Variants in BRWD1 observed in about 807,000 individuals in gnomAD.
The protein encoded by BRWD1 is bromodomain and WD repeat-containing protein 1.
BRWD1 carries 82 observed loss-of-function variants against 251.2 expected under a neutral mutation model. That is an observed-to-expected ratio of 0.33 (90% CI 0.27 to 0.39). BRWD1 has a LOEUF of 0.39. BRWD1 is among the 10% of genes least tolerant of loss of function. The probability of loss-of-function intolerance (pLI) is 1.00; values close to 1 mark genes in which losing one functional copy is unlikely to be tolerated. For missense variants in BRWD1, 2,233 were observed against 2,711.6 expected (o/e 0.82, Z 3.92); for synonymous variants, 918 against 902.8 (o/e 1.02, Z -0.30).
intron 8 of BRWD1, among the ~76,000 whole-genome samples, chr21:39,287,571 T>C (rs1004954338): frequency 6.6e-6 from 1 of 152,230 alleles, no homozygotes; most frequent in Non-Finnish European, 1.5e-5. Context: ...ATCCTCTTTT[T>C]ATTATCTGAA....
At chr21:39,297,929 T>C (rs778319445) in intron 5 of BRWD1, 6 of 985,130 alleles carry the variant, frequency 6.1e-6, no homozygotes, top group Non-Finnish European at 7.2e-6. Context: ...TGCTAGCACA[T>C]AACTTGGCAA....
chr21:39,296,020 G>T, intron 6 of BRWD1, 117 bp from the exon 7 acceptor site: 2 of 872,750 alleles, frequency 2.3e-6, no homozygotes, highest in South Asian at 3.0e-5. Flanking sequence ...AAGCCCTAAT[G>T]ACACAATTTC....
intron 4 of BRWD1, among the ~76,000 whole-genome samples, chr21:39,312,034 T>C (rs978876832): frequency 1.3e-5 from 2 of 152,204 alleles, no homozygotes; most frequent in African/African-American, 4.8e-5. Flanking sequence ...TTTATCCTAA[T>C]AACGAAACGG....
intron 13 of BRWD1, 75 bp downstream of exon 13, chr21:39,274,299 G>A: frequency 9.7e-7 from 1 of 1,028,544 alleles, no homozygotes; most frequent in South Asian, 1.4e-5. Context: ...GAGAGACACA[G>A]AGAGCGAGAG....
At chr21:39,258,090 C>T (rs1382276668) in intron 18 of BRWD1, among the ~76,000 whole-genome samples, 1 of 152,172 alleles carries the variant, frequency 6.6e-6, no homozygotes, top group South Asian at 2.1e-4. Flanking sequence ...GGACTCAACA[C>T]TGAAAACTCA....
chr21:39,195,708 G>A lies in BRWD1; in HGVS notation c.*551C>T. On this transcript the variant is annotated 3_prime_UTR_variant, in exon 41 of 41. Coordinates refer to ENST00000342449, the MANE Select transcript of BRWD1 (RefSeq NM_033656.4). ...CATTTCAATGAAAGTGACCAGATCT[G>A]GTATAATGCATTCTACTCAAGTAGC... is the stretch of plus-strand genomic sequence containing the variant. 2 of 984,428 alleles carry A rather than the reference G, an allele frequency of 2.0e-6. No homozygotes were observed. Among genetic ancestry groups the A allele is most frequent in the Non-Finnish European group, 2.4e-6 (2 of 829,550 alleles). The allele number at this position is 984,428 out of a possible 1,614,324, so 61.0% of individuals were successfully genotyped here. A position where few individuals can be genotyped will look rare whatever the true frequency, so the allele number is the denominator to read the frequency against.
At chr21:39,227,197 A>G (rs1307568300) in intron 27 of BRWD1, among the ~76,000 whole-genome samples, 2 of 152,166 alleles carry the variant, frequency 1.3e-5, no homozygotes, top group Admixed American at 1.3e-4. Context: ...CAGTAACTAG[A>G]AAGATCAATG....
chr21:39,193,036 A>C lies in BRWD1; in HGVS notation c.*3223T>G. On this transcript the variant is annotated 3_prime_UTR_variant, in exon 41 of 41. Transcript: ENST00000342449. ...ACGAGTGCAAAGGGCTTAGTGATGC[A>C]TCTTATTCTTTACTTTTGGACAGTA... 1 of 985,156 alleles carries C rather than the reference A, an allele frequency of 1.0e-6. No individual in the cohort carries two copies. The highest frequency in any genetic ancestry group is 1.2e-6 in the Non-Finnish European group (1 of 829,736). 61.0% of individuals were successfully genotyped at this position (985,156 alleles called of 1,614,324 possible). A position where few individuals can be genotyped will look rare whatever the true frequency, so the allele number is the denominator to read the frequency against.
Position 39,258,463 on chromosome 21 carries a change from A to C in BRWD1, c.2071+24T>G, listed in dbSNP as rs560156774. ...AATTTCAATGCAGCCATATTCAGGT[A>C]AAACATTTATCACTATTTATTACCT... is the stretch of plus-strand genomic sequence containing the variant. On this transcript the variant is annotated intron_variant, in intron 18 of 40. Coordinates refer to ENST00000342449, the MANE Select transcript of BRWD1 (RefSeq NM_033656.4). 2.6e-6 allele frequency: 4 copies of C among 1,530,854 alleles called. No individual in the cohort carries two copies. In the African/African-American group the frequency reaches 4.1e-5, roughly 16 times the overall value. The allele number at this position is 1,530,854 out of a possible 1,614,324, so 94.8% of individuals were successfully genotyped here.
At chr21:39,251,317 A>C (rs2034385687) in intron 19 of BRWD1, among the ~76,000 whole-genome samples, 1 of 152,148 alleles carries the variant, frequency 6.6e-6, no homozygotes, top group Non-Finnish European at 1.5e-5. Flanking sequence ...AATCACCTAT[A>C]TTTCACTCAC....
At chr21:39,286,438 A>G (rs2035642342) in intron 8 of BRWD1, among the ~76,000 whole-genome samples, 1 of 152,154 alleles carries the variant, frequency 6.6e-6, no homozygotes, top group African/African-American at 2.4e-5. Flanking sequence ...GCAACCTGTC[A>G]AGGCATTTTT....
chr21:39,195,110 GAC>G lies in BRWD1; in HGVS notation c.*1147_*1148del. 1 of 1,183,618 alleles carries G rather than the reference GAC, an allele frequency of 8.4e-7. No homozygotes were observed. Among genetic ancestry groups the G allele is most frequent in the Middle Eastern group, 3.5e-4 (1 of 2,848 alleles). 73.3% of individuals were successfully genotyped at this position (1,183,618 alleles called of 1,614,324 possible). On this transcript the variant is annotated 3_prime_UTR_variant, in exon 41 of 41. Transcript: ENST00000342449. ...ATAAAATTATTTTCCCACAAAACAT[GAC>G]AGTTTCTTATATTTGGACTAGAAGT...
At chr21:39,225,258 A>C in intron 27 of BRWD1, 61 bp from the exon 28 acceptor site, 2 of 1,181,078 alleles carry the variant, frequency 1.7e-6, no homozygotes, top group Non-Finnish European at 2.5e-6. Flanking sequence ...ACATTTTTTT[A>C]ATCTACAAAA....
At chr21:39,229,085 C>T (rs888853979) in intron 26 of BRWD1, among the ~76,000 whole-genome samples, 10 of 152,068 alleles carry the variant, frequency 6.6e-5, no homozygotes, top group African/African-American at 2.4e-4. Context: ...AGCATGAAAA[C>T]CATATAAAAC....
Position 39,197,026 on chromosome 21 carries a change from T to TTA in BRWD1, c.6041_6042dup (p.Asn2015Ter). The TTA allele has an allele frequency of 5.6e-6, 9 of 1,614,114 alleles. No individual in the cohort carries two copies. Among genetic ancestry groups the TTA allele is most frequent in the Non-Finnish European group, 6.8e-6 (8 of 1,179,966 alleles). ...ATATCTTCAGAGTCTGAGTCTCCAT[T>TTA]TAGAGCCTGACTAAGCACTTTTGTA... On this transcript the variant is annotated frameshift_variant, in exon 41 of 41. Coordinates refer to ENST00000342449, the MANE Select transcript of BRWD1 (RefSeq NM_033656.4). LOFTEE classifies it low-confidence loss of function (END_TRUNC).
chr21:39,286,908 A>C (rs1011337203), intron 8 of BRWD1, among the ~76,000 whole-genome samples: 2 of 152,166 alleles, frequency 1.3e-5, no homozygotes, highest in Non-Finnish European at 2.9e-5. Flanking sequence ...TAATATTTTT[A>C]ATCTAGATAA....
rs1281115401 is a variant in BRWD1 at position 39,191,956 on chromosome 21, ATAGTC to A, written c.*4298_*4302del. ...CTTGCCATACTTGAGAAACAGATGT[ATAGTC>A]TAATTATTTACATGTTGCCAAAGAT... On this transcript the variant is annotated 3_prime_UTR_variant, in exon 41 of 41. Transcript: ENST00000342449. The A allele has an allele frequency of 1.6e-5, 16 of 985,158 alleles. 1 individual carries two copies. The Admixed American group carries it at 9.2e-4, about 57-fold the overall frequency. 61.0% of individuals were successfully genotyped at this position (985,158 alleles called of 1,614,324 possible).
intron 1 of BRWD1, among the ~76,000 whole-genome samples, chr21:39,319,486 C>T (rs980655155): frequency 6.6e-5 from 10 of 152,192 alleles, no homozygotes; most frequent in African/African-American, 9.7e-5. Flanking sequence ...CAGAATGTGT[C>T]TGTGTTTGGA....
Position 39,232,225 on chromosome 21 carries a change from A to G in BRWD1, c.2952T>C (p.Ile984=). 6.2e-7 allele frequency: 1 copy of G among 1,613,620 alleles called. No individual in the cohort carries two copies. The highest frequency in any genetic ancestry group is 8.5e-7 in the Non-Finnish European group (1 of 1,179,734). The change falls in exon 25 of 41, where the codon ATT becomes ATC. Residue 984 remains isoleucine (I), a synonymous_variant. Transcript: ENST00000342449. ...AYIEAVRRNN[I]YELNPNKEPW... Reference sequence around the variant, plus strand: ...GCTCCTTATTAGGGTTCAGTTCATAAATATTATTTCTTCTTACAGCCTCAA... The same window carrying G: ...GCTCCTTATTAGGGTTCAGTTCATAGATATTATTTCTTCTTACAGCCTCAA...
Sources: gnomAD v4.1 joint callset for allele counts (sites outside exome capture counted in the v4.1 genomes callset) on GRCh38, gnomAD v4.1.1 for gene constraint, MANE v1.5 for transcripts, NCBI Gene and HGNC (gene_info 2026-07-23, HGNC 2026-07-21) for gene names.